GPHN: variants seen among roughly 807,000 people sequenced by gnomAD.
GPHN encodes gephyrin.
A neutral mutation model predicts 95.5 loss-of-function variants in GPHN; 17 were observed. The ratio of observed to expected loss-of-function variants is 0.18; its 90% CI spans 0.12 to 0.27. The LOEUF (loss-of-function observed/expected upper bound fraction) is 0.27, where lower values mean the gene tolerates loss of function less well. Ranked by LOEUF, GPHN falls within the 10% of genes least tolerant of loss-of-function variation. The probability of loss-of-function intolerance (pLI) is 1.00; values close to 1 mark genes in which losing one functional copy is unlikely to be tolerated. For missense variants in GPHN, 660 were observed against 978.1 expected (o/e 0.67, Z 4.34); for synonymous variants, 320 against 322.5 (o/e 0.99, Z 0.08).
chr14:67,631,430 C>CTTTTTTT, the GPHN span, among the ~76,000 whole-genome samples: 33 of 128,484 alleles, frequency 2.6e-4, 1 homozygote, highest in East Asian at 1.6e-3. Context: ...TCCTTTCTTT[C>CTTTTTTT]TTTCTTTTTT....
At chr14:66,694,383 G>T (rs1595578811) in intron 2 of GPHN, among the ~76,000 whole-genome samples, 1 of 152,240 alleles carries the variant, frequency 6.6e-6, no homozygotes, top group East Asian at 1.9e-4. Context: ...CCAGTCCATG[G>T]TATTTTTTAA....
chr14:67,525,825 G>C, the GPHN span, among the ~76,000 whole-genome samples: 2 of 152,184 alleles, frequency 1.3e-5, no homozygotes, highest in African/African-American at 4.8e-5. Flanking sequence ...TTTTGTTCCA[G>C]AGATCCTGGA....
chr14:66,605,754 G>C (rs989111127), intron 1 of GPHN, among the ~76,000 whole-genome samples: 2 of 151,860 alleles, frequency 1.3e-5, no homozygotes, highest in African/African-American at 2.4e-5. Context: ...GGATGGTCTC[G>C]ATCTCCTGAC....
the GPHN span, among the ~76,000 whole-genome samples, chr14:67,492,223 G>A: frequency 6.6e-6 from 1 of 152,028 alleles, no homozygotes; most frequent in East Asian, 1.9e-4. Flanking sequence ...TCCCACCCCC[G>A]GCAATCAGTA....
the GPHN span, chr14:67,583,669 C>T: frequency 5.1e-6 from 6 of 1,169,772 alleles, no homozygotes; most frequent in Non-Finnish European, 7.3e-6. Flanking sequence ...GTTTATTTCA[C>T]CTCTCAACAG....
chr14:66,714,009 T>A (rs2069920593), intron 2 of GPHN, among the ~76,000 whole-genome samples: 1 of 152,200 alleles, frequency 6.6e-6, no homozygotes, highest in Non-Finnish European at 1.5e-5. Context: ...CCTCAAGTGA[T>A]CTGCCCGCCT....
the GPHN span, chr14:67,579,706 C>T: frequency 6.2e-7 from 1 of 1,610,198 alleles, no homozygotes; most frequent in Non-Finnish European, 8.5e-7. Flanking sequence ...GGTTGGAACT[C>T]TTCTCCCGCC....
At chr14:66,563,000 A>G (rs1163300042) in intron 1 of GPHN, among the ~76,000 whole-genome samples, 1 of 152,048 alleles carries the variant, frequency 6.6e-6, no homozygotes, top group Non-Finnish European at 1.5e-5. Context: ...TGTAAGATAT[A>G]TTCACAGGTT....
intron 10 of GPHN, among the ~76,000 whole-genome samples, chr14:67,052,446 T>C (rs2075350291): frequency 1.3e-5 from 2 of 151,858 alleles, no homozygotes; most frequent in South Asian, 4.2e-4. Context: ...CCTAGATTCA[T>C]AAAACAAGTT....
intron 8 of GPHN, among the ~76,000 whole-genome samples, chr14:66,934,887 T>C (rs1289765371): frequency 6.6e-6 from 1 of 152,160 alleles, no homozygotes; most frequent in Non-Finnish European, 1.5e-5. Context: ...TTAACTATTA[T>C]AATATACCTG....
At chr14:67,212,773 C>G in the GPHN span, among the ~76,000 whole-genome samples, 1 of 151,118 alleles carries the variant, frequency 6.6e-6, no homozygotes, top group African/African-American at 2.4e-5. Flanking sequence ...AAAGTATAGG[C>G]CAAGGGAAAC....
intron 13 of GPHN, among the ~76,000 whole-genome samples, chr14:67,107,157 T>C (rs895245121): frequency 3.9e-5 from 6 of 152,226 alleles, no homozygotes; most frequent in African/African-American, 1.4e-4. Context: ...AGGCTGTTAA[T>C]ATCCTTGGTG....
chr14:67,518,991 C>T, the GPHN span, among the ~76,000 whole-genome samples: 1 of 152,072 alleles, frequency 6.6e-6, no homozygotes, highest in Non-Finnish European at 1.5e-5. Flanking sequence ...GAAGTTGAAG[C>T]CAATCTTGAA....
chr14:66,620,139 C>G (rs1047566642), intron 1 of GPHN, among the ~76,000 whole-genome samples: 1 of 152,194 alleles, frequency 6.6e-6, no homozygotes, highest in Middle Eastern at 3.4e-3. Flanking sequence ...TTCACACTTA[C>G]CCATGTGATA....
At chr14:66,598,049 A>T (rs779502911) in intron 1 of GPHN, among the ~76,000 whole-genome samples, 13 of 152,202 alleles carry the variant, frequency 8.5e-5, no homozygotes, top group Non-Finnish European at 1.8e-4. Context: ...CATACTCATG[A>T]TCTTACTTAT....
At chr14:66,737,085 T>C (rs1326829789) in intron 2 of GPHN, among the ~76,000 whole-genome samples, 1 of 152,194 alleles carries the variant, frequency 6.6e-6, no homozygotes, top group African/African-American at 2.4e-5. Flanking sequence ...ATTTTGTACT[T>C]TTCTAGGCAT....
intron 1 of GPHN, among the ~76,000 whole-genome samples, chr14:66,621,854 C>T (rs2063319800): frequency 6.6e-6 from 1 of 152,190 alleles, no homozygotes; most frequent in African/African-American, 2.4e-5. Flanking sequence ...ATACAGCCTC[C>T]ATCCCAGCTG....
chr14:66,960,005 C>T (rs781440026), intron 8 of GPHN, among the ~76,000 whole-genome samples: 12 of 151,892 alleles, frequency 7.9e-5, no homozygotes, highest in Non-Finnish European at 1.5e-4. Context: ...TTTCAGCTCA[C>T]ATCTGCTGTT....
chr14:67,286,829 C>T, the GPHN span, among the ~76,000 whole-genome samples: 3 of 135,494 alleles, frequency 2.2e-5, no homozygotes, highest in Non-Finnish European at 4.6e-5. Flanking sequence ...TGCACTCCAG[C>T]GTGGTGACAG....
Sources: gnomAD v4.1 joint callset for allele counts (sites outside exome capture counted in the v4.1 genomes callset) on GRCh38, gnomAD v4.1.1 for gene constraint, MANE v1.5 for transcripts, NCBI Gene and HGNC (gene_info 2026-07-23, HGNC 2026-07-21) for gene names.